Variants in LMNTD1 observed in about 807,000 individuals in gnomAD.
The protein encoded by LMNTD1 is lamin tail domain-containing protein 1.
In LMNTD1, 35 loss-of-function variants were observed where a neutral mutation model predicts 50.9. The observed-to-expected ratio is 0.69, with a 90% confidence interval of 0.53 to 0.91. LMNTD1 has a LOEUF of 0.91. Among genes scored for constraint, LMNTD1 ranks in the 40% least tolerant of loss-of-function variants. The pLI, the probability that LMNTD1 is intolerant of heterozygous loss-of-function variation, is 0.00. For missense variants in LMNTD1, 470 were observed against 475.5 expected (o/e 0.99, Z 0.11); for synonymous variants, 153 against 161.9 (o/e 0.94, Z 0.42).
chr12:25,594,651 C>CAAAAAAAAAAAAAAAA (rs61299586), intron 1 of LMNTD1, among the ~76,000 whole-genome samples: 197 of 69,866 alleles, frequency 2.8e-3, no homozygotes, highest in Middle Eastern at 0.012. Context: ...AACAGAAATA[C>CAAAAAAAAAAAAAAAA]AAAAAAAAAA....
At chr12:25,498,797 CT>C in intron 9 of LMNTD1, among the ~76,000 whole-genome samples, 2 of 152,202 alleles carry the variant, frequency 1.3e-5, no homozygotes, top group Admixed American at 1.3e-4. Flanking sequence ...TTCTTGCTTG[CT>C]TGCTGCTGGC....
At chr12:25,503,031 T>C (rs1277651856) in intron 9 of LMNTD1, 1 of 152,118 alleles carries the variant, frequency 6.6e-6, no homozygotes, top group African/African-American at 2.4e-5. Context: ...AAGTAAAGAA[T>C]AGGAAGCCTA....
At chr12:25,517,962 G>C (rs1202489707) in intron 8 of LMNTD1, among the ~76,000 whole-genome samples, 1 of 151,962 alleles carries the variant, frequency 6.6e-6, no homozygotes, top group African/African-American at 2.4e-5. Context: ...AGAATAAGGG[G>C]GTCATGAGTA....
intron 1 of LMNTD1, among the ~76,000 whole-genome samples, chr12:25,578,567 A>C (rs1945135714): frequency 6.6e-6 from 1 of 152,212 alleles, no homozygotes; most frequent in South Asian, 2.1e-4. Context: ...GTTTAATACT[A>C]TACTGCTCCT....
intron 4 of LMNTD1, among the ~76,000 whole-genome samples, chr12:25,544,150 C>T (rs1315629120): frequency 1.3e-5 from 2 of 151,760 alleles, no homozygotes; most frequent in South Asian, 2.1e-4. Flanking sequence ...GTTCATCTGT[C>T]CATTACTGAG....
chr12:25,642,588 TG>T (rs1234204620), intron 1 of LMNTD1, among the ~76,000 whole-genome samples: 1 of 152,258 alleles, frequency 6.6e-6, no homozygotes, highest in East Asian at 1.9e-4. Context: ...CATCTGTCTT[TG>T]GTCATCTCTG....
intron 8 of LMNTD1, among the ~76,000 whole-genome samples, chr12:25,507,895 T>A (rs1030861493): frequency 2.6e-5 from 4 of 152,218 alleles, no homozygotes; most frequent in African/African-American, 9.6e-5. Context: ...ATATTAAAAT[T>A]AATTCCCAAG....
intron 9 of LMNTD1, among the ~76,000 whole-genome samples, chr12:25,485,577 T>G (rs1938600577): frequency 3.6e-5 from 5 of 139,800 alleles, no homozygotes; most frequent in South Asian, 2.5e-4. Flanking sequence ...TGAAGTCCTT[T>G]CCCATGCCTA....
chr12:25,539,342 A>T (rs1942873765), intron 4 of LMNTD1, among the ~76,000 whole-genome samples: 1 of 152,184 alleles, frequency 6.6e-6, no homozygotes, highest in African/African-American at 2.4e-5. Context: ...CTCCTCAGGA[A>T]ATGTAAAAGA....
At chr12:25,619,960 A>C (rs1297533311) in intron 1 of LMNTD1, among the ~76,000 whole-genome samples, 1 of 152,244 alleles carries the variant, frequency 6.6e-6, no homozygotes, top group East Asian at 1.9e-4. Flanking sequence ...CAGCCCTTCA[A>C]GGGAATCCTT....
At chr12:25,511,801 T>C (rs548735611) in intron 8 of LMNTD1, among the ~76,000 whole-genome samples, 2 of 152,272 alleles carry the variant, frequency 1.3e-5, no homozygotes, top group South Asian at 4.1e-4. Context: ...AACACCTCAA[T>C]TTCTACTTAT....
intron 1 of LMNTD1, among the ~76,000 whole-genome samples, chr12:25,612,329 C>CACGCGT (rs1555122415): frequency 1.1e-4 from 2 of 18,754 alleles, no homozygotes; most frequent in East Asian, 4.0e-3. Flanking sequence ...CACACACACA[C>CACGCGT]GCGCTCCCAC....
chr12:25,489,483 G>T (rs1374495097), intron 9 of LMNTD1, among the ~76,000 whole-genome samples: 4 of 143,602 alleles, frequency 2.8e-5, no homozygotes, highest in Non-Finnish European at 6.1e-5. Flanking sequence ...GCCCTGCTTT[G>T]GCTCGCGCAC....
intron 6 of LMNTD1, among the ~76,000 whole-genome samples, chr12:25,523,731 A>G (rs1941507584): frequency 6.6e-6 from 1 of 151,536 alleles, no homozygotes; most frequent in African/African-American, 2.4e-5. Flanking sequence ...ATTTCCACCT[A>G]TTTAAGGGAA....
chr12:25,542,666 A>G (rs1255337074), intron 4 of LMNTD1, among the ~76,000 whole-genome samples: 9 of 151,896 alleles, frequency 5.9e-5, no homozygotes, highest in Non-Finnish European at 7.4e-5. Context: ...GCATATGTAT[A>G]CATATGTAAC....
Position 25,552,283 on chromosome 12 carries a change from T to C in LMNTD1, c.89+588A>G, listed in dbSNP as rs576138425. Among the ~76,000 whole-genome samples, 4 of 152,274 alleles carry C rather than the reference T, an allele frequency of 2.6e-5. No homozygotes were observed. In the East Asian group the frequency reaches 7.7e-4, roughly 29 times the overall value. On this transcript the variant is annotated intron_variant, in intron 2 of 9. Transcript: ENST00000458174. ...TGTCCCCAGTTCTGTAAAATAGTTC[T>C]AGAAAGAAACTATTTCTGTAAATTG...
chr12:25,481,865 T>TCTCACACACA (rs1555206617), intron 9 of LMNTD1, among the ~76,000 whole-genome samples: 2 of 132,612 alleles, frequency 1.5e-5, no homozygotes, highest in African/African-American at 5.7e-5. Flanking sequence ...TATTGCCTCT[T>TCTCACACACA]CACACACACA....
chr12:25,551,883 C>G (rs1440112995), intron 2 of LMNTD1, among the ~76,000 whole-genome samples: 1 of 152,198 alleles, frequency 6.6e-6, no homozygotes, highest in Non-Finnish European at 1.5e-5. Context: ...TAAGCCCCTT[C>G]TTGGTATCTC....
chr12:25,529,219 G>T (rs181827131), intron 4 of LMNTD1, among the ~76,000 whole-genome samples: 34 of 152,192 alleles, frequency 2.2e-4, no homozygotes, highest in African/African-American at 7.5e-4. Flanking sequence ...GCATCTCCCA[G>T]ATGTTGATCC....
Sources: gnomAD v4.1 joint callset for allele counts (sites outside exome capture counted in the v4.1 genomes callset) on GRCh38, gnomAD v4.1.1 for gene constraint, MANE v1.5 for transcripts, NCBI Gene and HGNC (gene_info 2026-07-23, HGNC 2026-07-21) for gene names.